CDH13: variants seen among roughly 807,000 people sequenced by gnomAD.
CDH13 encodes the protein cadherin 13.
A neutral mutation model predicts 63.8 loss-of-function variants in CDH13; 24 were observed. That is an observed-to-expected ratio of 0.38 (90% confidence interval 0.27 to 0.53). CDH13 has a LOEUF of 0.53. CDH13 is among the 20% of genes least tolerant of loss of function. CDH13 has a pLI of 0.85. For synonymous variants in CDH13, 503 were observed against 355.3 expected, an observed-to-expected ratio of 1.42 and a Z score of -4.67; for missense variants, 1,049 against 903.1, an observed-to-expected ratio of 1.16 and a Z score of -2.07.
At chr16:82,739,890 T>C (rs1044135472) in intron 1 of CDH13, among the ~76,000 whole-genome samples, 2 of 152,206 alleles carry the variant, frequency 1.3e-5, no homozygotes, top group African/African-American at 4.8e-5. Context: ...CCTGCAAAGA[T>C]ACTTGAACTC....
chr16:82,898,136 G>T (rs1293647474), intron 2 of CDH13, among the ~76,000 whole-genome samples: 6 of 152,212 alleles, frequency 3.9e-5, no homozygotes, highest in Non-Finnish European at 5.9e-5. Context: ...ATATTAAAAT[G>T]ATAGTTTTTG....
intron 1 of CDH13, among the ~76,000 whole-genome samples, chr16:82,651,132 G>C (rs1910673609): frequency 6.6e-6 from 1 of 152,144 alleles, no homozygotes; most frequent in Admixed American, 6.5e-5. Flanking sequence ...TCTAATTTTA[G>C]TGGGTGGCAA....
At chr16:83,015,946 C>G (rs920924257) in intron 2 of CDH13, among the ~76,000 whole-genome samples, 1 of 151,706 alleles carries the variant, frequency 6.6e-6, no homozygotes, top group African/African-American at 2.4e-5. Flanking sequence ...TGGAAAGCAG[C>G]ACAAAAGCCT....
At chr16:83,329,693 T>A (rs1230764019) in intron 5 of CDH13, among the ~76,000 whole-genome samples, 1 of 152,220 alleles carries the variant, frequency 6.6e-6, no homozygotes, top group East Asian at 1.9e-4. Flanking sequence ...CCCCTTTCTG[T>A]GTCCTTGAGA....
chr16:82,912,665 C>T (rs1389096300), intron 2 of CDH13, among the ~76,000 whole-genome samples: 6 of 152,252 alleles, frequency 3.9e-5, no homozygotes, highest in Middle Eastern at 3.4e-3. Flanking sequence ...GGTGACTCGC[C>T]GGGCGCGGTG....
At chr16:82,989,483 G>T (rs1378485558) in intron 2 of CDH13, among the ~76,000 whole-genome samples, 1 of 152,204 alleles carries the variant, frequency 6.6e-6, no homozygotes, top group African/African-American at 2.4e-5. Context: ...TCTGGGTAAG[G>T]CAGTGGCAAG....
intron 2 of CDH13, among the ~76,000 whole-genome samples, chr16:82,968,818 T>C (rs139990523): frequency 6.6e-6 from 1 of 152,196 alleles, no homozygotes; most frequent in Non-Finnish European, 1.5e-5. Context: ...TTTACATATA[T>C]CTGTGTTAAG....
chr16:82,850,323 A>T (rs1357353264), intron 1 of CDH13, among the ~76,000 whole-genome samples: 1 of 152,194 alleles, frequency 6.6e-6, no homozygotes, highest in Non-Finnish European at 1.5e-5. Flanking sequence ...TCAGTGGAGG[A>T]AGGAAGTGCA....
intron 7 of CDH13, among the ~76,000 whole-genome samples, chr16:83,544,967 T>TA (rs2075359479): frequency 6.6e-6 from 1 of 152,264 alleles, no homozygotes. Flanking sequence ...GTATGATATG[T>TA]AATTCTCTTA....
chr16:83,467,518 G>A (rs1348621675), intron 6 of CDH13, among the ~76,000 whole-genome samples: 1 of 144,786 alleles, frequency 6.9e-6, no homozygotes, highest in African/African-American at 2.9e-5. Context: ...TAGAAAACGT[G>A]TCTGTTTTTA....
chr16:83,743,544 C>G (rs1454261857), intron 10 of CDH13, among the ~76,000 whole-genome samples: 2 of 152,144 alleles, frequency 1.3e-5, no homozygotes, highest in African/African-American at 4.8e-5. Flanking sequence ...GAGGGAGCAT[C>G]AAAGAGCATT....
intron 5 of CDH13, among the ~76,000 whole-genome samples, chr16:83,265,854 G>T (rs1000651727): frequency 1.1e-4 from 16 of 150,206 alleles, no homozygotes; most frequent in African/African-American, 3.4e-4. Flanking sequence ...GTTTTGCATG[G>T]ACGTGCATGA....
chr16:83,342,456 G>C (rs148793876), intron 5 of CDH13, among the ~76,000 whole-genome samples: 1 of 152,272 alleles, frequency 6.6e-6, no homozygotes, highest in East Asian at 1.9e-4. Flanking sequence ...GCCCTTCACT[G>C]TTTTTAGAGA....
chr16:82,909,317 A>G (rs1006802852), intron 2 of CDH13, among the ~76,000 whole-genome samples: 1 of 150,900 alleles, frequency 6.6e-6, no homozygotes, highest in Non-Finnish European at 1.5e-5. Flanking sequence ...TTTGTGATCT[A>G]GAAGTGTTAA....
chr16:82,793,575 A>C (rs2036424552), intron 1 of CDH13, among the ~76,000 whole-genome samples: 1 of 152,168 alleles, frequency 6.6e-6, no homozygotes. Context: ...GTGCTTGGTG[A>C]ACCCCTGCTG....
intron 6 of CDH13, among the ~76,000 whole-genome samples, chr16:83,347,571 TACA>T (rs1354387322): frequency 2.0e-5 from 3 of 152,178 alleles, no homozygotes; most frequent in Non-Finnish European, 4.4e-5. Context: ...GCCATATATG[TACA>T]ACATCATTTC....
At chr16:82,741,990 A>G (rs907799992) in intron 1 of CDH13, among the ~76,000 whole-genome samples, 4 of 152,234 alleles carry the variant, frequency 2.6e-5, no homozygotes, top group Admixed American at 1.3e-4. Flanking sequence ...TGCTGATTAT[A>G]GCATCATTTA....
At chr16:82,878,659 G>T (rs1021737447) in intron 2 of CDH13, among the ~76,000 whole-genome samples, 2 of 150,836 alleles carry the variant, frequency 1.3e-5, no homozygotes, top group Non-Finnish European at 2.9e-5. Flanking sequence ...GGAGCCTGGG[G>T]CATGGTTGTT....
chr16:82,766,995 C>T (rs1433897261), intron 1 of CDH13, among the ~76,000 whole-genome samples: 1 of 152,174 alleles, frequency 6.6e-6, no homozygotes, highest in Non-Finnish European at 1.5e-5. Context: ...TACCACCTAT[C>T]TTTCCTTCTG....
Sources: gnomAD v4.1 joint callset for allele counts (sites outside exome capture counted in the v4.1 genomes callset) on GRCh38, gnomAD v4.1.1 for gene constraint, MANE v1.5 for transcripts, NCBI Gene and HGNC (gene_info 2026-07-23, HGNC 2026-07-21) for gene names.